THSD7B: variants seen among roughly 807,000 people sequenced by gnomAD.
The protein encoded by THSD7B is thrombospondin type 1 domain containing 7B.
Under a neutral mutation model 213.6 loss-of-function variants are expected in THSD7B, and 138 were observed. That is an observed-to-expected ratio of 0.65 (90% CI 0.56 to 0.74). THSD7B has a LOEUF of 0.74. THSD7B is among the 30% of genes least tolerant of loss of function. THSD7B has a pLI of 0.00. For synonymous variants in THSD7B, 742 were observed against 687.0 expected (o/e 1.08, Z -1.25); for missense variants, 1,931 against 1,991.5 (o/e 0.97, Z 0.58).
chr2:137,661,105 C>T (rs1008963355), intron 25 of THSD7B, among the ~76,000 whole-genome samples: 9 of 152,066 alleles, frequency 5.9e-5, no homozygotes, highest in African/African-American at 2.2e-4. Context: ...GCCATAAGAG[C>T]GAAGTCATAG....
intron 12 of THSD7B, among the ~76,000 whole-genome samples, chr2:137,399,261 T>A (rs912809666): frequency 6.6e-6 from 1 of 151,788 alleles, no homozygotes; most frequent in African/African-American, 2.4e-5. Context: ...GGTGTGACCT[T>A]GGCTCACTGC....
intron 6 of THSD7B, among the ~76,000 whole-genome samples, chr2:137,166,269 GC>G (rs1680126623): frequency 6.6e-6 from 1 of 152,042 alleles, no homozygotes; most frequent in Non-Finnish European, 1.5e-5. Context: ...ATCATTTATT[GC>G]TTTGTCTTTG....
At chr2:137,339,876 CTT>C (rs551759095) in intron 12 of THSD7B, among the ~76,000 whole-genome samples, 7 of 143,042 alleles carry the variant, frequency 4.9e-5, no homozygotes, top group African/African-American at 5.1e-5. Flanking sequence ...AAAGAATGGC[CTT>C]TTTTTTTTTT....
chr2:136,934,202 G>A lies in THSD7B; in HGVS notation c.139+51885G>A, dbSNP rs962979984. Reference sequence around the variant, plus strand: ...TTTTATAGTAAATGACATGAAAATTGATTTAAAGCTTTCCAAAAATAGGTA... The same window carrying A: ...TTTTATAGTAAATGACATGAAAATTAATTTAAAGCTTTCCAAAAATAGGTA... On this transcript the variant is annotated intron_variant, in intron 2 of 27. Transcript: ENST00000409968. Among the ~76,000 whole-genome samples, 18 of 152,048 alleles carry A rather than the reference G, an allele frequency of 1.2e-4. 1 individual carries two copies. The highest frequency in any genetic ancestry group is 4.1e-4 in the African/African-American group (17 of 41,410).
intron 12 of THSD7B, among the ~76,000 whole-genome samples, chr2:137,294,583 C>CAAAAAAAAAAAAAAAAAAAAAAAAAAA (rs1210363889): frequency 3.3e-4 from 24 of 73,210 alleles, no homozygotes; most frequent in African/African-American, 1.1e-3. Context: ...AACTCCATCT[C>CAAAAAAAAAAAAAAAAAAAAAAAAAAA]AAAAAAAAAA....
chr2:137,676,615 G>C lies in THSD7B; in HGVS notation c.*10G>C, dbSNP rs1683707764. ...AGACTTAGACATGTAATCTGAAAAAGAAATCCAAATGTAGACATCAACTGC... is the reference window on the plus strand; with the variant it reads ...AGACTTAGACATGTAATCTGAAAAACAAATCCAAATGTAGACATCAACTGC... On this transcript the variant is annotated 3_prime_UTR_variant, in exon 28 of 28. Transcript: ENST00000409968. The C allele has an allele frequency of 6.4e-7, 1 of 1,557,968 alleles. No homozygotes were observed. Among genetic ancestry groups the C allele is most frequent in the Non-Finnish European group, 8.6e-7 (1 of 1,156,292 alleles).
At chr2:137,095,366 C>T (rs1688022023) in intron 4 of THSD7B, among the ~76,000 whole-genome samples, 1 of 152,084 alleles carries the variant, frequency 6.6e-6, no homozygotes, top group Admixed American at 6.6e-5. Flanking sequence ...AATTAGAGTG[C>T]CTTAGTTTAC....
intron 12 of THSD7B, among the ~76,000 whole-genome samples, chr2:137,331,695 C>A: frequency 6.6e-6 from 1 of 152,170 alleles, no homozygotes; most frequent in East Asian, 1.9e-4. Context: ...CACACAGGAG[C>A]CCATGGAGGG....
intron 5 of THSD7B, among the ~76,000 whole-genome samples, chr2:137,145,054 T>G (rs1254213025): frequency 1.3e-5 from 2 of 152,026 alleles, no homozygotes; most frequent in African/African-American, 2.4e-5. Context: ...AGGAGAAAAG[T>G]AGGCTGTTAT....
chr2:136,805,118 T>C (rs1254653097), intron 1 of THSD7B, among the ~76,000 whole-genome samples: 1 of 152,218 alleles, frequency 6.6e-6, no homozygotes, highest in African/African-American at 2.4e-5. Flanking sequence ...GTATAAGTGA[T>C]TCCATACAGT....
intron 14 of THSD7B, among the ~76,000 whole-genome samples, chr2:137,438,279 T>C (rs1184325018): frequency 2.0e-5 from 3 of 152,172 alleles, no homozygotes; most frequent in African/African-American, 7.2e-5. Flanking sequence ...TTATCTACCA[T>C]GACACTATGC....
At chr2:137,208,682 G>A (rs185761298) in intron 7 of THSD7B, among the ~76,000 whole-genome samples, 4 of 152,116 alleles carry the variant, frequency 2.6e-5, no homozygotes, top group South Asian at 4.1e-4. Context: ...TAGAGAATGG[G>A]GAATGTTGAC....
At chr2:137,213,583 A>G (rs1224134250) in intron 7 of THSD7B, among the ~76,000 whole-genome samples, 1 of 151,162 alleles carries the variant, frequency 6.6e-6, no homozygotes, top group Non-Finnish European at 1.5e-5. Flanking sequence ...ATAATGATAC[A>G]TGATATATAA....
chr2:137,186,743 T>TA (rs1361778207), intron 7 of THSD7B, among the ~76,000 whole-genome samples: 1 of 152,168 alleles, frequency 6.6e-6, no homozygotes, highest in Non-Finnish European at 1.5e-5. Flanking sequence ...TCTACTTGTA[T>TA]AAAAAATAAC....
At chr2:137,675,093 T>C (rs1299345753) in intron 27 of THSD7B, among the ~76,000 whole-genome samples, 2 of 152,028 alleles carry the variant, frequency 1.3e-5, no homozygotes, top group Non-Finnish European at 2.9e-5. Context: ...ATAGACCAGA[T>C]ACAGCATGAT....
At chr2:137,258,704 C>A (rs2105080245) in intron 10 of THSD7B, among the ~76,000 whole-genome samples, 1 of 146,130 alleles carries the variant, frequency 6.8e-6, no homozygotes, top group South Asian at 2.2e-4. Flanking sequence ...ATTTTAGGTT[C>A]CAGGATACAT....
At chr2:136,898,586 C>G (rs1443859962) in intron 2 of THSD7B, among the ~76,000 whole-genome samples, 7 of 144,402 alleles carry the variant, frequency 4.8e-5, no homozygotes, top group African/African-American at 1.7e-4. Flanking sequence ...CCCGCCCCCC[C>G]GCCAAAAGAG....
chr2:136,809,059 A>G (rs1682333535), intron 1 of THSD7B, among the ~76,000 whole-genome samples: 1 of 152,220 alleles, frequency 6.6e-6, no homozygotes, highest in Non-Finnish European at 1.5e-5. Flanking sequence ...TAAATGACAA[A>G]GTCCTTGCAG....
intron 2 of THSD7B, among the ~76,000 whole-genome samples, chr2:136,894,845 T>C (rs1022099220): frequency 1.3e-5 from 2 of 152,220 alleles, no homozygotes; most frequent in Non-Finnish European, 2.9e-5. Flanking sequence ...TCTAGTGACA[T>C]TCCTAATATA....
Sources: gnomAD v4.1 joint callset for allele counts (sites outside exome capture counted in the v4.1 genomes callset) on GRCh38, gnomAD v4.1.1 for gene constraint, MANE v1.5 for transcripts, NCBI Gene and HGNC (gene_info 2026-07-23, HGNC 2026-07-21) for gene names.